Variants in MRGPRX3 observed in about 807,000 individuals in gnomAD.
The protein encoded by MRGPRX3 is mas-related G protein-coupled receptor member X3.
In MRGPRX3, 14 loss-of-function variants were observed where a neutral mutation model predicts 16.5. The observed-to-expected ratio is 0.85, with a 90% confidence interval of 0.56 to 1.33. The LOEUF (loss-of-function observed/expected upper bound fraction) is 1.33, where lower values mean the gene tolerates loss of function less well. Among genes scored for constraint, MRGPRX3 ranks in the 40% most tolerant of loss-of-function variants. MRGPRX3 has a pLI of 0.00. For missense variants in MRGPRX3, 449 were observed against 413.0 expected (o/e 1.09, Z -0.76); for synonymous variants, 199 against 180.1 (o/e 1.10, Z -0.84).
chr11:18,123,554 T>C (rs1177526879), intron 1 of MRGPRX3, among the ~76,000 whole-genome samples: 1 of 152,198 alleles, frequency 6.6e-6, no homozygotes, highest in Non-Finnish European at 1.5e-5. Context: ...TATATCTCTG[T>C]TTTGGTACCA....
chr11:18,136,055 C>A (rs1451715868), intron 1 of MRGPRX3, among the ~76,000 whole-genome samples: 2 of 152,094 alleles, frequency 1.3e-5, no homozygotes, highest in African/African-American at 4.8e-5. Context: ...TCTCTCTTTA[C>A]AACCCAAGCC....
chr11:18,131,870 G>A (rs1357811682), upstream of MRGPRX3, among the ~76,000 whole-genome samples: 2 of 152,032 alleles, frequency 1.3e-5, no homozygotes, highest in African/African-American at 2.4e-5. Flanking sequence ...GGACACGAAG[G>A]CATAGAATGA....
At chr11:18,129,728 A>G (rs1451602147), upstream of MRGPRX3, among the ~76,000 whole-genome samples, 1 of 152,214 alleles carries the variant, frequency 6.6e-6, no homozygotes, top group Non-Finnish European at 1.5e-5. Context: ...GGATATACAA[A>G]AAAGAAAACT....
In MRGPRX3 at chr11:18,138,091, G is replaced by A. The variant is rs776660048; in HGVS notation, c.889G>A (p.Asp297Asn). Residue 297 changes from aspartate to asparagine, a missense_variant, in exon 2 of 2, where the codon GAC becomes AAC. Physicochemically the swap from Asp to Asn is conservative, Grantham distance 23. Transcript: ENST00000621697. ...LKLVLQRALQDTPEVDEGGGW... is the reference protein window; with the variant it reads ...LKLVLQRALQNTPEVDEGGGW... ...GCTGGTTCTCCAGAGGGCTCTGCAG[G>A]ACACGCCTGAGGTGGATGAAGGTGG... The A allele has an allele frequency of 5.6e-6, 9 of 1,614,088 alleles. No homozygotes were observed. The Admixed American group carries it at 1.0e-4, about 18-fold the overall frequency.
chr11:18,121,117 T>C (rs1848829100), exon 1 of MRGPRX3: 1 of 148,434 alleles, frequency 6.7e-6, no homozygotes. Flanking sequence ...CGCCGCCCCG[T>C]CTGGGATGTG....
At chr11:18,130,738 C>T (rs1342783411), upstream of MRGPRX3, among the ~76,000 whole-genome samples, 1 of 144,182 alleles carries the variant, frequency 6.9e-6, no homozygotes, top group Non-Finnish European at 1.5e-5. Context: ...CAAGACTTAG[C>T]AAAAAGAACA....
chr11:18,128,770 G>A (rs944113860), upstream of MRGPRX3, among the ~76,000 whole-genome samples: 10 of 152,296 alleles, frequency 6.6e-5, no homozygotes, highest in South Asian at 2.1e-4. Flanking sequence ...CACTTGGTGC[G>A]CTGCACCCAC....
At chr11:18,125,010 T>C (rs1332365832) in intron 1 of MRGPRX3, among the ~76,000 whole-genome samples, 2 of 152,364 alleles carry the variant, frequency 1.3e-5, no homozygotes, top group East Asian at 3.8e-4. Flanking sequence ...TGGTAGTTTG[T>C]ATTTCTGTGG....
At chr11:18,135,999 C>T (rs1182076631) in intron 1 of MRGPRX3, among the ~76,000 whole-genome samples, 1 of 152,142 alleles carries the variant, frequency 6.6e-6, no homozygotes, top group Non-Finnish European at 1.5e-5. Context: ...GTTATTCTCC[C>T]AAATTAGACC....
intron 1 of MRGPRX3, among the ~76,000 whole-genome samples, chr11:18,121,436 CCGA>C: frequency 6.6e-6 from 1 of 152,264 alleles, no homozygotes; most frequent in African/African-American, 2.4e-5. Flanking sequence ...GCCACACGCT[CCGA>C]CCGGGAGGGA....
upstream of MRGPRX3, among the ~76,000 whole-genome samples, chr11:18,132,250 A>G (rs777053316): frequency 5.9e-5 from 9 of 152,188 alleles, no homozygotes; most frequent in Non-Finnish European, 8.8e-5. Flanking sequence ...TATCACCACT[A>G]TGATAAAGAA....
intron 1 of MRGPRX3, among the ~76,000 whole-genome samples, chr11:18,126,765 G>A (rs1848901404): frequency 6.6e-6 from 1 of 152,082 alleles, no homozygotes; most frequent in Admixed American, 6.5e-5. Context: ...CTTTGCGATA[G>A]TTTGCTGAGA....
upstream of MRGPRX3, among the ~76,000 whole-genome samples, chr11:18,129,293 G>C (rs548134854): frequency 6.6e-5 from 10 of 152,260 alleles, no homozygotes; most frequent in East Asian, 1.9e-3. Flanking sequence ...CCATTAGCAA[G>C]GTTAACCAAG....
chr11:18,136,743 G>A (rs1291677426), intron 1 of MRGPRX3, among the ~76,000 whole-genome samples: 3 of 152,166 alleles, frequency 2.0e-5, no homozygotes, highest in South Asian at 4.1e-4. Flanking sequence ...ACATCCTAGC[G>A]AAGATCCCAT....
rs145864519 is a variant in MRGPRX3, at chr11:18,137,410, G to T, written c.208G>T (p.Ala70Ser). ...CTCCATCTACATCCTCAACCTGGTC[G>T]CGGCCGACTTCCTCTTCCTTAGCGG... is the stretch of plus-strand genomic sequence containing the variant. The part of the protein sequence containing the change: ...AVSIYILNLV[A>S]ADFLFLSGHI... Residue 70 changes from alanine (A) to serine (S), a missense_variant, in exon 2 of 2, where the codon GCG becomes TCG. Ala to Ser is a moderately conservative substitution (Grantham distance 99, BLOSUM62 1). Transcript: ENST00000621697. 1.2e-6 allele frequency: 2 copies of T among 1,614,056 alleles called. No homozygotes were observed. The highest frequency in any genetic ancestry group is 2.7e-5 in the African/African-American group (2 of 74,904).
intron 1 of MRGPRX3, among the ~76,000 whole-genome samples, chr11:18,136,364 C>T (rs1849007587): frequency 6.6e-6 from 1 of 152,192 alleles, no homozygotes; most frequent in South Asian, 2.1e-4. Context: ...CAAAGCCACA[C>T]TGAGTCCTTA....
chr11:18,130,222 A>T (rs2134082532), upstream of MRGPRX3, among the ~76,000 whole-genome samples: 1 of 152,266 alleles, frequency 6.6e-6, no homozygotes, highest in Admixed American at 6.5e-5. Flanking sequence ...CCAAATCAAT[A>T]AAGAGGAAGT....
At chr11:18,129,059 T>C (rs1305122568), upstream of MRGPRX3, among the ~76,000 whole-genome samples, 2 of 152,204 alleles carry the variant, frequency 1.3e-5, 1 homozygote, top group Non-Finnish European at 2.9e-5. Context: ...AAGAGGAAAG[T>C]TCATTGTATT....
chr11:18,137,566 C>A lies in MRGPRX3; in HGVS notation c.364C>A (p.Leu122Met), dbSNP rs750509886. Residue 122 changes from leucine to methionine, a missense_variant, in exon 2 of 2, where the codon CTG becomes ATG. Transcript: ENST00000621697. ...GAGCGCCATCAGCACCGAGCGCTGCCTGTCCATCCTGTGGCCCATCTGGTA... is the reference window on the plus strand; with the variant it reads ...GAGCGCCATCAGCACCGAGCGCTGCATGTCCATCCTGTGGCCCATCTGGTA... Reference protein sequence around the residue: ...MLSAISTERCLSILWPIWYHC... With the variant: ...MLSAISTERCMSILWPIWYHC... The A allele has an allele frequency of 6.8e-6, 11 of 1,614,204 alleles. No homozygotes were observed. In the South Asian group the frequency reaches 1.2e-4, roughly 18 times the overall value.
Sources: allele counts gnomAD v4.1 joint callset (sites outside exome capture counted in the v4.1 genomes callset), GRCh38; gene constraint gnomAD v4.1.1; transcripts MANE v1.5; gene names NCBI Gene and HGNC (gene_info 2026-07-23, HGNC 2026-07-21).